The following TMCC1 variants were observed in gnomAD, a reference collection of about 807,000 sequenced individuals.
The protein encoded by TMCC1 is transmembrane and coiled-coil domains protein 1.
In TMCC1, 15 loss-of-function variants were observed where a neutral mutation model predicts 52.4. That is an observed-to-expected ratio of 0.29 (90% CI 0.19 to 0.44). TMCC1 has a LOEUF of 0.44. Among genes scored for constraint, TMCC1 ranks in the 20% least tolerant of loss-of-function variants. The pLI is 1.00. For missense variants in TMCC1, 503 were observed against 806.0 expected, an observed-to-expected ratio of 0.62 and a Z score of 4.55; for synonymous variants, 279 against 301.9, an observed-to-expected ratio of 0.92 and a Z score of 0.79.
intron 1 of TMCC1, among the ~76,000 whole-genome samples, chr3:129,888,979 T>C (rs12638238): frequency 0.082 from 12,429 of 152,100 alleles, 673 homozygotes; most frequent in East Asian, 0.17. Context: ...TCTATAAAAA[T>C]ACCTGACCAC....
intron 4 of TMCC1, among the ~76,000 whole-genome samples, chr3:129,726,041 A>G (rs2050053107): frequency 6.6e-6 from 1 of 152,228 alleles, no homozygotes; most frequent in South Asian, 2.1e-4. Flanking sequence ...CTGTATAGGT[A>G]CAGACAGGTA....
At chr3:129,797,340 A>C (rs113766118) in intron 4 of TMCC1, among the ~76,000 whole-genome samples, 9 of 151,970 alleles carry the variant, frequency 5.9e-5, no homozygotes, top group South Asian at 4.2e-4. Context: ...AAAAAAAAAA[A>C]ACACGTATTT....
intron 4 of TMCC1, among the ~76,000 whole-genome samples, chr3:129,699,204 T>G (rs1432240084): frequency 1.3e-5 from 2 of 152,100 alleles, no homozygotes; most frequent in Admixed American, 1.3e-4. Flanking sequence ...TTCCAGAAAG[T>G]TAGGCATTTT....
At chr3:129,879,684 G>A (rs1201634764) in intron 2 of TMCC1, among the ~76,000 whole-genome samples, 1 of 152,126 alleles carries the variant, frequency 6.6e-6, no homozygotes, top group East Asian at 1.9e-4. Flanking sequence ...TCAAACCTGG[G>A]ACTGAAGTCT....
intron 4 of TMCC1, among the ~76,000 whole-genome samples, chr3:129,757,494 T>C (rs2053120349): frequency 1.3e-5 from 2 of 152,194 alleles, no homozygotes; most frequent in African/African-American, 4.8e-5. Context: ...TCCTGGCTTA[T>C]GACCCCTCTC....
At chr3:129,846,420 G>T (rs948044759) in intron 2 of TMCC1, among the ~76,000 whole-genome samples, 10 of 152,292 alleles carry the variant, frequency 6.6e-5, no homozygotes, top group African/African-American at 2.2e-4. Flanking sequence ...CTCCTTCACT[G>T]CAGGTCATTT....
intron 4 of TMCC1, among the ~76,000 whole-genome samples, chr3:129,785,612 CAGA>C (rs10576924): frequency 0.15 from 23,437 of 151,752 alleles, 2,412 homozygotes; most frequent in Middle Eastern, 0.26. Flanking sequence ...TACACACACA[CAGA>C]AGGAGTAGTT....
intron 5 of TMCC1, among the ~76,000 whole-genome samples, chr3:129,665,442 G>A (rs1238858994): frequency 6.6e-6 from 1 of 152,206 alleles, no homozygotes; most frequent in Non-Finnish European, 1.5e-5. Context: ...ATTCTGAGAA[G>A]GGGAAATAAT....
At chr3:129,866,466 C>G (rs1265981496) in intron 2 of TMCC1, among the ~76,000 whole-genome samples, 1 of 149,600 alleles carries the variant, frequency 6.7e-6, no homozygotes, top group Non-Finnish European at 1.5e-5. Context: ...CAACCTCTGC[C>G]TCCCGGGTTC....
intron 4 of TMCC1, among the ~76,000 whole-genome samples, chr3:129,804,452 C>A (rs1178425124): frequency 2.6e-5 from 4 of 152,168 alleles, no homozygotes; most frequent in Admixed American, 1.3e-4. Context: ...CCTCCCCTGA[C>A]CCCTTTGGCT....
intron 2 of TMCC1, chr3:129,847,117 G>A (rs1175217248): frequency 6.6e-6 from 1 of 152,042 alleles, no homozygotes; most frequent in East Asian, 1.9e-4. Flanking sequence ...CAAAGAAACA[G>A]GACCTTACAA....
intron 4 of TMCC1, among the ~76,000 whole-genome samples, chr3:129,808,174 C>A (rs569945288): frequency 1.3e-5 from 2 of 151,480 alleles, no homozygotes; most frequent in Middle Eastern, 3.2e-3. Context: ...AGAGCAAGAC[C>A]CTGTCTAAAA....
chr3:129,809,176 G>A (rs2057655745), intron 4 of TMCC1, among the ~76,000 whole-genome samples: 1 of 150,762 alleles, frequency 6.6e-6, no homozygotes, highest in Non-Finnish European at 1.5e-5. Flanking sequence ...GAACCCAGGA[G>A]GTGGAGCTTG....
At position 129,782,782 on chromosome 3, in the gene TMCC1, G is replaced by A. The variant is rs549335651; in HGVS notation, c.576+45021C>T. Among the ~76,000 whole-genome samples the A allele has an allele frequency of 2.6e-5, 4 of 152,212 alleles. No homozygotes were observed. In the South Asian group the frequency reaches 6.2e-4, roughly 24 times the overall value. On this transcript the variant is annotated intron_variant, in intron 4 of 6. Coordinates refer to ENST00000393238, the MANE Select transcript of TMCC1 (RefSeq NM_001017395.5). ...ACCATTTGATTACCGTATGAACTGC[G>A]GTGTGTTATTTCCTTTTTTGTTTTA...
intron 4 of TMCC1, chr3:129,688,583 A>G (rs2089581571): frequency 1.0e-6 from 1 of 985,376 alleles, no homozygotes; most frequent in Non-Finnish European, 1.2e-6. Context: ...GCCTATGTAT[A>G]GTTTCAATTC....
intron 2 of TMCC1, among the ~76,000 whole-genome samples, chr3:129,874,201 T>C (rs908745377): frequency 1.3e-5 from 2 of 152,206 alleles, no homozygotes; most frequent in Non-Finnish European, 1.5e-5. Flanking sequence ...GAAATAAAAA[T>C]GTTAAAAACT....
chr3:129,767,104 T>C (rs1477085071), intron 4 of TMCC1, among the ~76,000 whole-genome samples: 3 of 151,498 alleles, frequency 2.0e-5, no homozygotes, highest in Non-Finnish European at 4.4e-5. Context: ...TCTACAAAAA[T>C]ACAAAGATTA....
chr3:129,694,033 C>T (rs2047214333), intron 4 of TMCC1, among the ~76,000 whole-genome samples: 1 of 152,138 alleles, frequency 6.6e-6, no homozygotes, highest in Non-Finnish European at 1.5e-5. Flanking sequence ...AGAAAGTACT[C>T]CCAGGAACAC....
chr3:129,654,907 T>G, intron 6 of TMCC1, 61 bp downstream of exon 6: 1 of 1,579,204 alleles, frequency 6.3e-7, no homozygotes, highest in South Asian at 1.2e-5. Flanking sequence ...CTTCCGCTGT[T>G]TTCCTTTTTT....
Sources: allele counts gnomAD v4.1 joint callset (sites outside exome capture counted in the v4.1 genomes callset), GRCh38; gene constraint gnomAD v4.1.1; transcripts MANE v1.5; gene names NCBI Gene and HGNC (gene_info 2026-07-23, HGNC 2026-07-21).